Variants in TGFBR3 observed in about 807,000 individuals in gnomAD.
The protein encoded by TGFBR3 is transforming growth factor beta receptor type 3.
TGFBR3 carries 46 observed loss-of-function variants against 87.9 expected under a neutral mutation model. That is an observed-to-expected ratio of 0.52 (90% CI 0.41 to 0.67). The LOEUF (loss-of-function observed/expected upper bound fraction) is 0.67, where lower values mean the gene tolerates loss of function less well. Ranked by LOEUF, TGFBR3 falls within the 30% of genes least tolerant of loss-of-function variation. The pLI is 0.00. For missense variants in TGFBR3, 866 were observed against 1,041.9 expected (o/e 0.83, Z 2.32); for synonymous variants, 381 against 391.6 (o/e 0.97, Z 0.32).
At chr1:91,763,632 A>G (rs182499840) in intron 3 of TGFBR3, among the ~76,000 whole-genome samples, 77 of 152,360 alleles carry the variant, frequency 5.1e-4, no homozygotes, top group African/African-American at 1.8e-3. Context: ...GTTAGTAGTA[A>G]CTGAAAACAT....
chr1:91,825,978 C>CAAA (rs59220803), intron 2 of TGFBR3, among the ~76,000 whole-genome samples: 34,753 of 148,068 alleles, frequency 0.23, 5,259 homozygotes, highest in Middle Eastern at 0.35. Flanking sequence ...GACCCCATCT[C>CAAA]AAAAAAAAAA....
At chr1:91,735,938 T>C (rs1355618757) in intron 4 of TGFBR3, among the ~76,000 whole-genome samples, 1 of 152,190 alleles carries the variant, frequency 6.6e-6, no homozygotes, top group Non-Finnish European at 1.5e-5. Context: ...ACATGAACCA[T>C]TTATTCATAA....
At chr1:91,796,378 G>GT (rs1675383092) in intron 3 of TGFBR3, among the ~76,000 whole-genome samples, 1 of 152,218 alleles carries the variant, frequency 6.6e-6, no homozygotes, top group African/African-American at 2.4e-5. Context: ...TGGAGTTACT[G>GT]TATGAGTGCT....
chr1:91,691,173 A>C (rs1671249283), intron 16 of TGFBR3, among the ~76,000 whole-genome samples: 1 of 152,154 alleles, frequency 6.6e-6, no homozygotes, highest in Non-Finnish European at 1.5e-5. Flanking sequence ...ATTAAAGGAC[A>C]AGAGGTTCAA....
In TGFBR3 at chr1:91,730,805, C is replaced by G. The variant is rs946551558; in HGVS notation, c.569-832G>C. Among the ~76,000 whole-genome samples the G allele has an allele frequency of 2.0e-5, 3 of 152,232 alleles. No individual in the cohort carries two copies. The South Asian group carries it at 6.2e-4, about 31-fold the overall frequency. ...GAAATAAAGAAGGCAGACTTTCACTCTTTCTCACAATCTGAACACAGACAA... is the reference window on the plus strand; with the variant it reads ...GAAATAAAGAAGGCAGACTTTCACTGTTTCTCACAATCTGAACACAGACAA... On this transcript the variant is annotated intron_variant, in intron 5 of 16. Coordinates refer to ENST00000212355, the MANE Select transcript of TGFBR3 (RefSeq NM_003243.5).
chr1:91,810,095 G>T (rs1675977785), intron 2 of TGFBR3, among the ~76,000 whole-genome samples: 1 of 152,180 alleles, frequency 6.6e-6, no homozygotes, highest in South Asian at 2.1e-4. Flanking sequence ...GTCTGGCTTT[G>T]TTGCCCAGGC....
At chr1:91,703,296 C>G (rs936364574) in intron 14 of TGFBR3, among the ~76,000 whole-genome samples, 2 of 152,148 alleles carry the variant, frequency 1.3e-5, no homozygotes, top group South Asian at 4.1e-4. Flanking sequence ...CAACTTCCAA[C>G]TGACGTTCAC....
intron 5 of TGFBR3, among the ~76,000 whole-genome samples, chr1:91,732,850 G>A (rs745582407): frequency 6.6e-6 from 1 of 152,136 alleles, no homozygotes; most frequent in Non-Finnish European, 1.5e-5. Context: ...GTGGCTCTCA[G>A]GGTAAGTGAC....
At chr1:91,788,841 T>G (rs1675073417) in intron 3 of TGFBR3, among the ~76,000 whole-genome samples, 1 of 152,246 alleles carries the variant, frequency 6.6e-6, no homozygotes. Context: ...AGAGTGCTCT[T>G]GTAAAAACAT....
rs1244873213 is a variant in TGFBR3, at chr1:91,766,854, C to T, written c.247-8104G>A. On this transcript the variant is annotated intron_variant, in intron 3 of 16. Transcript: ENST00000212355. The stretch of plus-strand genomic sequence containing the variant: ...GCTGACACCAACCAGTTTAAAGACT[C>T]CCACAAAGGAACCACCAAATCAGCA... Among the ~76,000 whole-genome samples the T allele has an allele frequency of 3.8e-5, 5 of 133,124 alleles. 1 individual carries two copies. The highest frequency in any genetic ancestry group is 1.4e-4 in the African/African-American group (5 of 35,368). 87.3% of individuals were successfully genotyped at this position (133,124 alleles called of 152,430 possible). A position where few individuals can be genotyped will look rare whatever the true frequency, so the allele number is the denominator to read the frequency against.
intron 2 of TGFBR3, among the ~76,000 whole-genome samples, chr1:91,800,240 A>AT (rs1461980466): frequency 1.1e-3 from 130 of 123,340 alleles, no homozygotes; most frequent in African/African-American, 4.1e-3. Context: ...AAAAAAAAAA[A>AT]AATATATATA....
chr1:91,723,671 TGA>T (rs898712903), intron 7 of TGFBR3, among the ~76,000 whole-genome samples: 1 of 150,608 alleles, frequency 6.6e-6, no homozygotes, highest in Non-Finnish European at 1.5e-5. Flanking sequence ...TCTCAGAGGG[TGA>T]GAGAGCTAAA....
At chr1:91,739,045 G>C (rs1673057000) in intron 4 of TGFBR3, among the ~76,000 whole-genome samples, 1 of 152,198 alleles carries the variant, frequency 6.6e-6, no homozygotes, top group African/African-American at 2.4e-5. Flanking sequence ...AGTGTGGCTG[G>C]ACACAGGGCT....
chr1:91,831,829 G>T (rs976096207), intron 2 of TGFBR3, among the ~76,000 whole-genome samples: 1 of 152,178 alleles, frequency 6.6e-6, no homozygotes, highest in Admixed American at 6.5e-5. Context: ...CGTAAGTCCT[G>T]TGAAATATAA....
intron 1 of TGFBR3, among the ~76,000 whole-genome samples, chr1:91,885,634 G>A (rs898210236): frequency 1.3e-5 from 2 of 152,132 alleles, no homozygotes; most frequent in Non-Finnish European, 2.9e-5. Flanking sequence ...GCGCATCGCC[G>A]GGGGCACTGC....
rs866866164 is a variant in TGFBR3, at chr1:91,822,305, A to T, written c.62-24834T>A. On this transcript the variant is annotated intron_variant, in intron 2 of 16. Transcript: ENST00000212355. Reference sequence around the variant, plus strand: ...AAGAGCAAAGCATTAAAAAAAAAAAAAAAAAAAAAAAAAAAAAAGATGAAT... The same window carrying T: ...AAGAGCAAAGCATTAAAAAAAAAAATAAAAAAAAAAAAAAAAAAGATGAAT... 1.4e-3 allele frequency among the ~76,000 whole-genome samples: 205 copies of T among 150,806 alleles called. 1 individual carries two copies. Among genetic ancestry groups the T allele is most frequent in the Middle Eastern group, 6.8e-3 (2 of 292 alleles).
At chr1:91,746,458 G>A (rs188277811) in intron 4 of TGFBR3, among the ~76,000 whole-genome samples, 549 of 152,186 alleles carry the variant, frequency 3.6e-3, no homozygotes, top group Admixed American at 6.3e-3. Flanking sequence ...TAGCCTGATG[G>A]AAGAGCTTAC....
In TGFBR3 at chr1:91,682,691, G is replaced by T. The variant is rs1670950813; in HGVS notation, c.*1048C>A. 2.2e-6 allele frequency: 1 copy of T among 453,586 alleles called. No individual in the cohort carries two copies. The highest frequency in any genetic ancestry group is 2.0e-5 in the African/African-American group (1 of 49,876). 28.1% of individuals were successfully genotyped at this position (453,586 alleles called of 1,614,324 possible). A position where few individuals can be genotyped will look rare whatever the true frequency, so the allele number is the denominator to read the frequency against. ...GCTACAGTTTGGTTTTTATGAAAGGGCCTATTTTTTTTTAAGTTGACATAT... is the reference window on the plus strand; with the variant it reads ...GCTACAGTTTGGTTTTTATGAAAGGTCCTATTTTTTTTTAAGTTGACATAT... On this transcript the variant is annotated 3_prime_UTR_variant, in exon 17 of 17. Transcript: ENST00000212355.
chr1:91,893,293 T>C (rs1361255178), intron 2 of TGFBR3, among the ~76,000 whole-genome samples: 1 of 70,614 alleles, frequency 1.4e-5, no homozygotes, highest in Non-Finnish European at 4.2e-5. Flanking sequence ...CTTGTAACTA[T>C]TTTTTTTTTT....
Sources: gnomAD v4.1 joint callset for allele counts (sites outside exome capture counted in the v4.1 genomes callset) on GRCh38, gnomAD v4.1.1 for gene constraint, MANE v1.5 for transcripts, NCBI Gene and HGNC (gene_info 2026-07-23, HGNC 2026-07-21) for gene names.